SIRT1: variants seen among roughly 807,000 people sequenced by gnomAD.
SIRT1 encodes sirtuin 1, also known as NAD-dependent protein deacetylase sirtuin-1.
In SIRT1, 24 loss-of-function variants were observed where a neutral mutation model predicts 67.9. The ratio of observed to expected loss-of-function variants is 0.35; its 90% CI spans 0.26 to 0.50. The LOEUF (loss-of-function observed/expected upper bound fraction) is 0.50, where lower values mean the gene tolerates loss of function less well. Ranked by LOEUF, SIRT1 falls within the 20% of genes least tolerant of loss-of-function variation. SIRT1 has a pLI of 0.98. For missense variants in SIRT1, 873 were observed against 937.2 expected (o/e 0.93, Z 0.89); for synonymous variants, 378 against 350.7 (o/e 1.08, Z -0.87).
rs750413832 is a variant in SIRT1, at chr10:67,906,314, C to T, written c.943-476C>T. The T allele has an allele frequency of 3.9e-6, 6 of 1,554,158 alleles. No individual in the cohort carries two copies. The Middle Eastern group carries it at 5.0e-4, about 130-fold the overall frequency. Reference sequence around the variant, plus strand: ...TAAGGATTAAAACTTTAGCTTTAAACTTCCAGCAGGTTGATATTCTAATGA... The same window carrying T: ...TAAGGATTAAAACTTTAGCTTTAAATTTCCAGCAGGTTGATATTCTAATGA... On this transcript the variant is annotated intron_variant, in intron 4 of 8. Coordinates refer to ENST00000212015, the MANE Select transcript of SIRT1 (RefSeq NM_012238.5).
Position 67,906,814 on chromosome 10 carries a change from C to A in SIRT1, c.967C>A (p.Pro323Thr). The change falls in exon 5 of 9, where the codon CCA becomes ACA. Residue 323 changes from proline (P) to threonine (T), a missense_variant. This residue lies in a region of SIRT1 where 251 missense variants were observed against 358.8 expected (regional missense o/e 0.70). Transcript: ENST00000212015. ...GGAAATATATCCTGGACAATTCCAG[C>A]CATCTCTCTGTCACAAATTCATAGC... ...AKEIYPGQFQPSLCHKFIALS... is the reference protein window; with the variant it reads ...AKEIYPGQFQTSLCHKFIALS... 4 of 1,612,518 alleles carry A rather than the reference C, an allele frequency of 2.5e-6. No individual in the cohort carries two copies. The highest frequency in any genetic ancestry group is 3.4e-6 in the Non-Finnish European group (4 of 1,179,510).
In SIRT1 at chr10:67,909,319, G is replaced by A. The variant is rs1340780587; in HGVS notation, c.1234G>A (p.Val412Met). The stretch of plus-strand genomic sequence containing the variant: ...GCTTGCTATCATGAAACCAGAGATT[G>A]TGTTTTTTGGTGAAAATTTACCAGA... ...EPLAIMKPEI[V>M]FFGENLPEQF... is the part of the protein sequence containing the mutation. The change falls in exon 7 of 9, where the codon GTG (valine) becomes ATG (methionine). Residue 412 changes from valine to methionine, a missense_variant. By Grantham distance (21) the Val-to-Met change is conservative. Coordinates refer to ENST00000212015, the MANE Select transcript of SIRT1 (RefSeq NM_012238.5). The A allele has an allele frequency of 6.2e-7, 1 of 1,613,094 alleles. No homozygotes were observed. The highest frequency in any genetic ancestry group is 8.5e-7 in the Non-Finnish European group (1 of 1,179,816).
intron 4 of SIRT1, among the ~76,000 whole-genome samples, chr10:67,901,762 T>C (rs1842748507): frequency 1.3e-5 from 2 of 152,260 alleles, no homozygotes; most frequent in Non-Finnish European, 2.9e-5. Flanking sequence ...AGTCCAAATG[T>C]GGCCCACTCC....
At chr10:67,912,019 C>T (rs754938136) in intron 7 of SIRT1, among the ~76,000 whole-genome samples, 1 of 152,128 alleles carries the variant, frequency 6.6e-6, no homozygotes, top group Admixed American at 6.5e-5. Context: ...CTGCCTCGGC[C>T]TCCCAAAGTG....
In SIRT1 at chr10:67,912,474, G is replaced by A. The variant is rs1842914815; in HGVS notation, c.1358G>A (p.Ser453Asn). ...ACTCTTATTTTTCACCCTATTTTAG[G>A]TTCCATACCCCATGAAGTGCCTCAG... Reference protein sequence around the residue: ...LKVRPVALIPSSIPHEVPQIL... With the variant: ...LKVRPVALIPNSIPHEVPQIL... Residue 453 changes from serine (S) to asparagine (N), a missense_variant and splice_region_variant, in exon 8 of 9, where the codon AGT becomes AAT. This residue lies in a region of SIRT1 where 251 missense variants were observed against 358.8 expected (regional missense o/e 0.70). Transcript: ENST00000212015. 6.3e-7 allele frequency: 1 copy of A among 1,599,864 alleles called. No homozygotes were observed. Among genetic ancestry groups the A allele is most frequent in the South Asian group, 1.1e-5 (1 of 88,154 alleles).
At chr10:67,893,383 T>A (rs571542468) in intron 4 of SIRT1, among the ~76,000 whole-genome samples, 1 of 152,176 alleles carries the variant, frequency 6.6e-6, no homozygotes, top group African/African-American at 2.4e-5. Flanking sequence ...CACTTATGAG[T>A]GAGGACATGT....
intron 4 of SIRT1, among the ~76,000 whole-genome samples, chr10:67,895,140 C>T (rs1842633663): frequency 6.6e-6 from 1 of 151,960 alleles, no homozygotes; most frequent in African/African-American, 2.4e-5. Flanking sequence ...AGCTTCCAGT[C>T]TGGGCACAGT....
At chr10:67,906,174 T>A (rs1216037667) in intron 4 of SIRT1, 4 of 1,406,570 alleles carry the variant, frequency 2.8e-6, no homozygotes, top group Non-Finnish European at 3.7e-6. Flanking sequence ...AGAAACAGCA[T>A]TGAAGCATTA....
Position 67,888,862 on chromosome 10 carries a change from C to T in SIRT1, c.548-20C>T, listed in dbSNP as rs1281772817. 14 of 1,573,336 alleles carry T rather than the reference C, an allele frequency of 8.9e-6. No homozygotes were observed. The highest frequency in any genetic ancestry group is 2.3e-5 in the East Asian group (1 of 44,268). ...AATTACTTGATAAGTTGACTTTAAG[C>T]CTTTTCCCCCTTATTGTAGGTCCAT... On this transcript the variant is annotated intron_variant, in intron 2 of 8. Transcript: ENST00000212015.
chr10:67,891,388 C>T lies in SIRT1; in HGVS notation c.790-14C>T, dbSNP rs1349410850. The stretch of plus-strand genomic sequence containing the variant: ...GAAGATTTAATTTTACAAATTATGC[C>T]ATGCACATTTTAGGTGTCTGTTTCA... On this transcript the variant is annotated splice_polypyrimidine_tract_variant and intron_variant, in intron 3 of 8. Coordinates refer to ENST00000212015, the MANE Select transcript of SIRT1 (RefSeq NM_012238.5). The T allele has an allele frequency of 2.5e-6, 4 of 1,611,798 alleles. No homozygotes were observed. Among genetic ancestry groups the T allele is most frequent in the African/African-American group, 1.3e-5 (1 of 74,948 alleles).
intron 6 of SIRT1, 128 bp downstream of exon 6, chr10:67,908,253 A>G: frequency 2.8e-6 from 2 of 714,436 alleles, no homozygotes; most frequent in South Asian, 4.6e-5. Context: ...AATAGTTAGC[A>G]TTTGGGAATT....
At chr10:67,912,251 C>T (rs1175825733) in intron 7 of SIRT1, among the ~76,000 whole-genome samples, 1 of 152,096 alleles carries the variant, frequency 6.6e-6, no homozygotes, top group South Asian at 2.1e-4. Flanking sequence ...CAGGGGTAAC[C>T]AGGTGATAGG....
chr10:67,891,769 T>C (rs1000764264), intron 4 of SIRT1, among the ~76,000 whole-genome samples: 1 of 152,120 alleles, frequency 6.6e-6, no homozygotes, highest in Non-Finnish European at 1.5e-5. Context: ...TTCAAAGAGA[T>C]AGTTCATATT....
chr10:67,900,465 CGG>C (rs35684617), intron 4 of SIRT1, among the ~76,000 whole-genome samples: 9,357 of 152,116 alleles, frequency 0.062, 327 homozygotes, highest in East Asian at 0.11. Flanking sequence ...TTGTTTGAGA[CGG>C]GGTCTCCTTC....
intron 4 of SIRT1, among the ~76,000 whole-genome samples, chr10:67,898,912 T>A (rs1162170633): frequency 6.6e-6 from 1 of 152,194 alleles, no homozygotes; most frequent in East Asian, 1.9e-4. Context: ...ACTTACTTTC[T>A]GTGAGGTGCT....
At chr10:67,885,237 G>A (rs1486387442) in intron 1 of SIRT1, 86 bp downstream of exon 1, 13 of 1,258,604 alleles carry the variant, frequency 1.0e-5, no homozygotes, top group African/African-American at 1.6e-5. Flanking sequence ...GGGCGGCTGG[G>A]GGCTCGGGGC....
At position 67,884,960 on chromosome 10, in the gene SIRT1, A is replaced by AGGCAGAGGCGGCGGCGGC. The variant is rs1312321688; in HGVS notation, c.240_257dup (p.Ala81_Ala86dup). The AGGCAGAGGCGGCGGCGGC allele has an allele frequency of 4.0e-6, 5 of 1,258,104 alleles. No individual in the cohort carries two copies. Among genetic ancestry groups the AGGCAGAGGCGGCGGCGGC allele is most frequent in the African/African-American group, 3.1e-5 (2 of 63,900 alleles). 77.9% of individuals were successfully genotyped at this position (1,258,104 alleles called of 1,614,324 possible). Reference sequence around the variant, plus strand: ...GCGGCGGCGCTGTGGCGGGAGGCGGAGGCAGAGGCGGCGGCGGCAGGCGGG... The same window carrying AGGCAGAGGCGGCGGCGGC: ...GCGGCGGCGCTGTGGCGGGAGGCGGAGGCAGAGGCGGCGGCGGCGGCAGAGGCGGCGGCGGCAGGCGGG... On this transcript the variant is annotated inframe_insertion, in exon 1 of 9. Transcript: ENST00000212015.
At chr10:67,900,984 T>C (rs751438815) in intron 4 of SIRT1, among the ~76,000 whole-genome samples, 8 of 152,210 alleles carry the variant, frequency 5.3e-5, no homozygotes, top group Non-Finnish European at 1.0e-4. Flanking sequence ...TTCCAGCCTT[T>C]AGTAGTCCCA....
chr10:67,910,894 G>C (rs1842889800), intron 7 of SIRT1, among the ~76,000 whole-genome samples: 1 of 152,212 alleles, frequency 6.6e-6, no homozygotes, highest in Non-Finnish European at 1.5e-5. Flanking sequence ...GTGAGGGAAA[G>C]AGGAGAGGAA....
Sources: gnomAD v4.1 joint callset for allele counts (sites outside exome capture counted in the v4.1 genomes callset) on GRCh38, gnomAD v4.1.1 for gene constraint, gnomAD v4.1.1 regional missense constraint, MANE v1.5 for transcripts, NCBI Gene and HGNC (gene_info 2026-07-23, HGNC 2026-07-21) for gene names.